Variants in PITPNM3 observed in about 807,000 individuals in gnomAD.
PITPNM3 encodes the protein PITPNM family member 3, also known as membrane-associated phosphatidylinositol transfer protein 3.
Under a neutral mutation model 102.0 loss-of-function variants are expected in PITPNM3, and 26 were observed. The observed-to-expected ratio is 0.25, with a 90% CI of 0.19 to 0.35. PITPNM3 has a LOEUF of 0.35. Among genes scored for constraint, PITPNM3 ranks in the 10% least tolerant of loss-of-function variants. The probability of loss-of-function intolerance (pLI) is 1.00; values close to 1 mark genes in which losing one functional copy is unlikely to be tolerated. For synonymous variants in PITPNM3, 578 were observed against 558.6 expected, an observed-to-expected ratio of 1.03 and a Z score of -0.49; for missense variants, 1,083 against 1,346.1, an observed-to-expected ratio of 0.80 and a Z score of 3.06.
chr17:6,502,427 G>A (rs1907240705), intron 4 of PITPNM3, among the ~76,000 whole-genome samples: 1 of 152,120 alleles, frequency 6.6e-6, no homozygotes, highest in Non-Finnish European at 1.5e-5. Context: ...TTGCGCTCCA[G>A]CCTGGGTGAC....
At chr17:6,541,286 A>AGTGTGTGTGTGTGT (rs113549938) in intron 1 of PITPNM3, among the ~76,000 whole-genome samples, 1,919 of 145,658 alleles carry the variant, frequency 0.013, 31 homozygotes, top group African/African-American at 0.033. Flanking sequence ...ATATGCTAAG[A>AGTGTGTGTGTGTGT]GTGTGTGTGT....
In PITPNM3 at chr17:6,472,541, G is replaced by A. The variant is rs1905119063; in HGVS notation, c.1429+116C>T. On this transcript the variant is annotated intron_variant, in intron 11 of 19. Coordinates refer to ENST00000262483, the MANE Select transcript of PITPNM3 (RefSeq NM_031220.4). The surrounding 1 kb of genome is among the most constrained non-coding windows in gnomAD (Gnocchi z 4.1). Reference sequence around the variant, plus strand: ...AGACAGAGGAGTCGGCTAACCTTCTGTTCTCACAGCCCCTGCTCAGGTGAG... The same window carrying A: ...AGACAGAGGAGTCGGCTAACCTTCTATTCTCACAGCCCCTGCTCAGGTGAG... 5 of 1,371,796 alleles carry A rather than the reference G, an allele frequency of 3.6e-6. No individual in the cohort carries two copies. The highest frequency in any genetic ancestry group is 5.0e-6 in the Non-Finnish European group (5 of 992,370). 85.0% of individuals were successfully genotyped at this position (1,371,796 alleles called of 1,614,324 possible).
chr17:6,531,827 G>A (rs1439366691), intron 2 of PITPNM3, among the ~76,000 whole-genome samples: 1 of 152,202 alleles, frequency 6.6e-6, no homozygotes, highest in Non-Finnish European at 1.5e-5. Context: ...CCGAGCTTGG[G>A]TGCAGTGGCT....
At chr17:6,510,350 G>A (rs999243615) in intron 3 of PITPNM3, among the ~76,000 whole-genome samples, 4 of 152,046 alleles carry the variant, frequency 2.6e-5, no homozygotes, top group African/African-American at 9.7e-5. Flanking sequence ...ACCTCCCTCC[G>A]TACCTTTGTC....
rs1035152432 is a variant in PITPNM3 at position 6,537,129 on chromosome 17, T to C, written c.118+858A>G. ...CAACAATGCTCCTTCCTATGTCTCATGGGTTGGCCGGGAAGAGATGCAGAG... is the reference window on the plus strand; with the variant it reads ...CAACAATGCTCCTTCCTATGTCTCACGGGTTGGCCGGGAAGAGATGCAGAG... On this transcript the variant is annotated intron_variant, in intron 2 of 19. Transcript: ENST00000262483. This position sits in a 1 kb window ranked among gnomAD's most constrained non-coding sequence, Gnocchi z 4.4. Among the ~76,000 whole-genome samples, 3 of 152,154 alleles carry C rather than the reference T, an allele frequency of 2.0e-5. No homozygotes were observed. The highest frequency in any genetic ancestry group is 4.4e-5 in the Non-Finnish European group (3 of 68,004).
At chr17:6,462,907 G>T (rs572357687) in intron 17 of PITPNM3, among the ~76,000 whole-genome samples, 3 of 152,106 alleles carry the variant, frequency 2.0e-5, no homozygotes, top group African/African-American at 4.8e-5. Context: ...GGAGCACCCT[G>T]GAGCCCATGG....
At chr17:6,500,117 G>A (rs374369586) in intron 4 of PITPNM3, among the ~76,000 whole-genome samples, 4 of 152,176 alleles carry the variant, frequency 2.6e-5, no homozygotes, top group East Asian at 3.8e-4. Flanking sequence ...GCTACTAGAC[G>A]AGAGAAGCTG....
At chr17:6,490,986 AAGGGGAGGGG>A (rs1906425599) in intron 4 of PITPNM3, among the ~76,000 whole-genome samples, 1 of 101,238 alleles carries the variant, frequency 9.9e-6, no homozygotes, top group African/African-American at 3.8e-5. Flanking sequence ...AAAGAAAGGG[AAGGGGAGGGG>A]AGGGGAGGGA....
chr17:6,541,236 G>A (rs980874150), intron 1 of PITPNM3, among the ~76,000 whole-genome samples: 3 of 151,848 alleles, frequency 2.0e-5, no homozygotes, highest in Non-Finnish European at 2.9e-5. Context: ...TTGTGGAAAG[G>A]TGTCAGGCAA....
intron 15 of PITPNM3, 84 bp from the exon 16 acceptor site, chr17:6,464,402 G>C: frequency 7.1e-7 from 1 of 1,418,436 alleles, no homozygotes; most frequent in Non-Finnish European, 9.8e-7. Flanking sequence ...GGAACTCTGG[G>C]CTGAGGTCCC....
chr17:6,471,502 C>T, intron 11 of PITPNM3, 147 bp from the exon 12 acceptor site: 2 of 802,768 alleles, frequency 2.5e-6, no homozygotes, highest in South Asian at 1.8e-5. Flanking sequence ...AGGCACCTGC[C>T]CCTCTCACTG....
chr17:6,517,213 A>C lies in PITPNM3; in HGVS notation c.226+8143T>G, dbSNP rs1198466711. ...GAAGTCAGGAAATTGAGGAAGTAGC[A>C]GTGAGACCTATATGCTACAAAGGGC... On this transcript the variant is annotated intron_variant, in intron 3 of 19. Transcript: ENST00000262483. The surrounding 1 kb of genome is among the most constrained non-coding windows in gnomAD (Gnocchi z 4.1). Among the ~76,000 whole-genome samples the C allele has an allele frequency of 6.6e-6, 1 of 152,266 alleles. No individual in the cohort carries two copies. Among genetic ancestry groups the C allele is most frequent in the Non-Finnish European group, 1.5e-5 (1 of 68,048 alleles).
intron 3 of PITPNM3, among the ~76,000 whole-genome samples, chr17:6,505,876 G>A (rs1194631889): frequency 6.6e-6 from 1 of 152,178 alleles, no homozygotes; most frequent in African/African-American, 2.4e-5. Flanking sequence ...GGCGGGGAGA[G>A]ACGGGGAGGG....
chr17:6,555,405 G>A (rs1199058059), intron 1 of PITPNM3, among the ~76,000 whole-genome samples: 1 of 152,222 alleles, frequency 6.6e-6, no homozygotes, highest in East Asian at 1.9e-4. Context: ...CCGGTCCTGG[G>A]GGACGGCATG....
intron 4 of PITPNM3, among the ~76,000 whole-genome samples, chr17:6,490,011 A>G (rs1906355628): frequency 6.6e-6 from 1 of 151,682 alleles, no homozygotes; most frequent in African/African-American, 2.4e-5. Flanking sequence ...CATCTCAAAA[A>G]AAAAAATAAA....
chr17:6,555,301 G>C (rs1050359984), intron 1 of PITPNM3, among the ~76,000 whole-genome samples: 1 of 152,216 alleles, frequency 6.6e-6, no homozygotes, highest in African/African-American at 2.4e-5. Context: ...CAGGGAGACG[G>C]GTCCGCAGCC....
intron 3 of PITPNM3, among the ~76,000 whole-genome samples, chr17:6,520,736 C>T (rs1000842405): frequency 2.6e-5 from 4 of 152,170 alleles, no homozygotes; most frequent in Non-Finnish European, 5.9e-5. Flanking sequence ...GCAACCCAAA[C>T]GTCCATCATC....
intron 3 of PITPNM3, among the ~76,000 whole-genome samples, chr17:6,513,014 T>C (rs1199663718): frequency 6.6e-6 from 1 of 150,914 alleles, no homozygotes; most frequent in Non-Finnish European, 1.5e-5. Context: ...CGATGTAACG[T>C]ACCATATTGA....
intron 3 of PITPNM3, among the ~76,000 whole-genome samples, chr17:6,508,217 G>A (rs1021273096): frequency 6.6e-6 from 1 of 152,204 alleles, no homozygotes; most frequent in Non-Finnish European, 1.5e-5. Flanking sequence ...AGGAGGTCGG[G>A]ACCAAGCTCT....
Sources: allele counts gnomAD v4.1 joint callset (sites outside exome capture counted in the v4.1 genomes callset), GRCh38; gene constraint gnomAD v4.1.1; non-coding constraint Gnocchi (gnomAD v3.1); transcripts MANE v1.5; gene names NCBI Gene and HGNC (gene_info 2026-07-23, HGNC 2026-07-21).